The following KAT14 variants were observed in gnomAD, a reference collection of about 807,000 sequenced individuals.
KAT14 encodes the protein cysteine-rich protein 2-binding protein.
KAT14 carries 66 observed loss-of-function variants against 78.4 expected under a neutral mutation model. That is an observed-to-expected ratio of 0.84 (90% CI 0.69 to 1.03). The LOEUF (loss-of-function observed/expected upper bound fraction) is 1.03. KAT14 is among the 50% of genes least tolerant of loss of function. The pLI is 0.00. For missense variants in KAT14, 870 were observed against 972.5 expected, an observed-to-expected ratio of 0.89 and a Z score of 1.40; for synonymous variants, 344 against 359.4, an observed-to-expected ratio of 0.96 and a Z score of 0.48.
chr20:18,186,592 G>GA (rs1221404924), intron 10 of KAT14, among the ~76,000 whole-genome samples: 1 of 152,190 alleles, frequency 6.6e-6, no homozygotes, highest in Non-Finnish European at 1.5e-5. Context: ...GTTCTTAAAT[G>GA]ATATGACTTT....
At chr20:18,158,817 T>C (rs2038311878) in intron 4 of KAT14, among the ~76,000 whole-genome samples, 1 of 152,224 alleles carries the variant, frequency 6.6e-6, no homozygotes, top group Admixed American at 6.5e-5. Context: ...GTTTGAATTA[T>C]TGCATTTAAT....
At chr20:18,156,330 A>G (rs2038225548) in intron 4 of KAT14, among the ~76,000 whole-genome samples, 1 of 152,334 alleles carries the variant, frequency 6.6e-6, no homozygotes, top group African/African-American at 2.4e-5. Flanking sequence ...TGATTGTACC[A>G]TATAAATGTA....
intron 7 of KAT14, among the ~76,000 whole-genome samples, chr20:18,178,454 G>T (rs2039125411): frequency 6.6e-6 from 1 of 152,136 alleles, no homozygotes; most frequent in Non-Finnish European, 1.5e-5. Context: ...AGAAAAAGAG[G>T]TTTAATTGGA....
In KAT14 at chr20:18,183,121, A is replaced by C; in HGVS notation, c.1806-2A>C. The C allele has an allele frequency of 6.2e-7, 1 of 1,603,450 alleles. No homozygotes were observed. The highest frequency in any genetic ancestry group is 8.5e-7 in the Non-Finnish European group (1 of 1,174,792). Reference sequence around the variant, plus strand: ...ATTTGTTTATCTTCTGTGGTACCGGAGGCGTGATTATGAAACAAAGCCACC... The same window carrying C: ...ATTTGTTTATCTTCTGTGGTACCGGCGGCGTGATTATGAAACAAAGCCACC... On this transcript the variant is annotated splice_acceptor_variant, in intron 8 of 10. Coordinates refer to ENST00000688188, the MANE Select transcript of KAT14 (RefSeq NM_001392073.1). LOFTEE classifies it high-confidence loss of function.
intron 7 of KAT14, among the ~76,000 whole-genome samples, chr20:18,169,736 G>T (rs79266490): frequency 0.054 from 8,260 of 152,308 alleles, 262 homozygotes; most frequent in Middle Eastern, 0.092. Flanking sequence ...AACTAGAAAT[G>T]ATTAAGTTTA....
chr20:18,170,508 A>G (rs1159256719), intron 7 of KAT14, among the ~76,000 whole-genome samples: 1 of 152,228 alleles, frequency 6.6e-6, no homozygotes, highest in East Asian at 1.9e-4. Context: ...TTCTAAGCCC[A>G]CTATTGAAAG....
chr20:18,145,460 C>G (rs2037791570), intron 3 of KAT14, 109 bp downstream of exon 3: 3 of 1,449,052 alleles, frequency 2.1e-6, no homozygotes, highest in South Asian at 1.3e-5. Context: ...TGGAGGGGCA[C>G]TTTTTATTTC....
chr20:18,155,474 A>G (rs1416917149), intron 4 of KAT14, among the ~76,000 whole-genome samples: 2 of 152,134 alleles, frequency 1.3e-5, no homozygotes, highest in Admixed American at 1.3e-4. Flanking sequence ...TGTTTTCCAA[A>G]TACTGGGTAT....
intron 1 of KAT14, 84 bp from the exon 2 acceptor site, chr20:18,142,124 A>G (rs1464231173): frequency 1.5e-6 from 2 of 1,353,252 alleles, no homozygotes; most frequent in Non-Finnish European, 1.9e-6. Context: ...ATATTTTGGT[A>G]ACACTGTTAT....
intron 7 of KAT14, among the ~76,000 whole-genome samples, chr20:18,163,398 A>G (rs1005339559): frequency 6.6e-6 from 1 of 152,182 alleles, no homozygotes; most frequent in Non-Finnish European, 1.5e-5. Context: ...TGCTCAAAGG[A>G]TGGTCGGTGG....
chr20:18,182,688 G>T (rs979883745), intron 8 of KAT14, among the ~76,000 whole-genome samples: 3 of 152,134 alleles, frequency 2.0e-5, no homozygotes, highest in Non-Finnish European at 4.4e-5. Flanking sequence ...GACCCTCCAT[G>T]CCAGCACCAC....
intron 7 of KAT14, among the ~76,000 whole-genome samples, chr20:18,169,773 A>G (rs896993970): frequency 6.6e-6 from 1 of 152,274 alleles, no homozygotes; most frequent in Non-Finnish European, 1.5e-5. Flanking sequence ...AAAAGCAGAG[A>G]TAGGCTGAAA....
intron 7 of KAT14, among the ~76,000 whole-genome samples, chr20:18,171,326 G>A (rs574913473): frequency 4.9e-4 from 75 of 152,350 alleles, no homozygotes; most frequent in African/African-American, 1.6e-3. Flanking sequence ...GAATGAATAA[G>A]TGTTGCTTCT....
At chr20:18,168,795 T>A (rs146237939) in intron 7 of KAT14, among the ~76,000 whole-genome samples, 373 of 152,308 alleles carry the variant, frequency 2.4e-3, no homozygotes, top group Admixed American at 5.3e-3. Flanking sequence ...TATATGCTTC[T>A]TGGCATTTAT....
chr20:18,176,614 G>C (rs1343729231), intron 7 of KAT14, among the ~76,000 whole-genome samples: 8 of 151,530 alleles, frequency 5.3e-5, no homozygotes, highest in African/African-American at 1.9e-4. Flanking sequence ...GGGTCAGTGT[G>C]GAAGGCCCAG....
chr20:18,145,861 T>C (rs772008432), intron 3 of KAT14, among the ~76,000 whole-genome samples: 1 of 152,202 alleles, frequency 6.6e-6, no homozygotes, highest in Non-Finnish European at 1.5e-5. Context: ...CTTTTATATG[T>C]GATACCAAGC....
intron 7 of KAT14, among the ~76,000 whole-genome samples, chr20:18,180,382 T>C (rs1033561306): frequency 2.6e-5 from 4 of 152,184 alleles, no homozygotes; most frequent in African/African-American, 7.2e-5. Flanking sequence ...ATTGTTCATA[T>C]CACTATCAGC....
intron 10 of KAT14, 58 bp from the exon 11 acceptor site, chr20:18,187,228 A>G: frequency 6.7e-7 from 1 of 1,496,718 alleles, no homozygotes. Flanking sequence ...TTCTTTACCT[A>G]CTCATTTTCC....
chr20:18,181,364 C>CTTTTTTTTTTTTT lies in KAT14; in HGVS notation c.1669-336_1669-324dup, dbSNP rs762890490. Among the ~76,000 whole-genome samples, 60 of 106,798 alleles carry CTTTTTTTTTTTTT rather than the reference C, an allele frequency of 5.6e-4. 3 individuals are homozygous for CTTTTTTTTTTTTT. Among genetic ancestry groups the CTTTTTTTTTTTTT allele is most frequent in the African/African-American group, 1.8e-3 (48 of 27,062 alleles). The allele number at this position is 106,798 out of a possible 152,430, so 70.1% of individuals were successfully genotyped here. A position where few individuals can be genotyped will look rare whatever the true frequency, so the allele number is the denominator to read the frequency against. On this transcript the variant is annotated intron_variant, in intron 7 of 10. Coordinates refer to ENST00000688188, the MANE Select transcript of KAT14 (RefSeq NM_001392073.1). ...ACCAATCCTCAGAGTAATTTTGTTT[C>CTTTTTTTTTTTTT]TTTTTTTTTTTTTTTTTTTTTTGAG...
Sources: gnomAD v4.1 joint callset for allele counts (sites outside exome capture counted in the v4.1 genomes callset) on GRCh38, gnomAD v4.1.1 for gene constraint, MANE v1.5 for transcripts, NCBI Gene and HGNC (gene_info 2026-07-23, HGNC 2026-07-21) for gene names.